Variants in SLC9A9 observed in about 807,000 individuals in gnomAD.
The protein encoded by SLC9A9 is sodium/hydrogen exchanger 9.
In SLC9A9, 62 loss-of-function variants were observed where a neutral mutation model predicts 77.8. That is an observed-to-expected ratio of 0.80 (90% CI 0.65 to 0.98). SLC9A9 has a LOEUF of 0.98. Ranked by LOEUF, SLC9A9 falls within the 50% of genes least tolerant of loss-of-function variation. The pLI is 0.00. For synonymous variants in SLC9A9, 320 were observed against 283.5 expected, an observed-to-expected ratio of 1.13 and a Z score of -1.29; for missense variants, 775 against 774.9, an observed-to-expected ratio of 1.00 and a Z score of 0.00.
intron 6 of SLC9A9, among the ~76,000 whole-genome samples, chr3:143,606,266 A>G (rs1391297967): frequency 6.6e-6 from 1 of 151,678 alleles, no homozygotes; most frequent in Non-Finnish European, 1.5e-5. Flanking sequence ...TTAGCCAGGC[A>G]TGGTGGCAGG....
chr3:143,323,226 G>A (rs1460278884), intron 14 of SLC9A9, among the ~76,000 whole-genome samples: 1 of 152,178 alleles, frequency 6.6e-6, no homozygotes. Context: ...CCACTACTGG[G>A]AATCTACCCA....
At chr3:143,641,651 C>T (rs1560008718) in intron 6 of SLC9A9, among the ~76,000 whole-genome samples, 1 of 152,132 alleles carries the variant, frequency 6.6e-6, no homozygotes, top group Non-Finnish European at 1.5e-5. Context: ...CCTTGGCCTC[C>T]CAAAGTGCTG....
chr3:143,440,447 G>T (rs1304539505), intron 12 of SLC9A9, among the ~76,000 whole-genome samples: 1 of 152,140 alleles, frequency 6.6e-6, no homozygotes, highest in East Asian at 1.9e-4. Flanking sequence ...AAGGAGTTTG[G>T]CCCCTAACTA....
Position 143,844,362 on chromosome 3 carries a change from C to T in SLC9A9, c.175+3786G>A, listed in dbSNP as rs570232404. 3.7e-3 allele frequency among the ~76,000 whole-genome samples: 570 copies of T among 152,152 alleles called. 5 individuals carry two copies. Among genetic ancestry groups the T allele is most frequent in the African/African-American group, 0.013 (546 of 41,510 alleles). ...TTGATAAAATAGACTCAACATCTATCGAGTCTTCTAAAGAACATTTGACAC... is the reference window on the plus strand; with the variant it reads ...TTGATAAAATAGACTCAACATCTATTGAGTCTTCTAAAGAACATTTGACAC... On this transcript the variant is annotated intron_variant, in intron 1 of 15. Coordinates refer to ENST00000316549, the MANE Select transcript of SLC9A9 (RefSeq NM_173653.4).
intron 5 of SLC9A9, among the ~76,000 whole-genome samples, chr3:143,692,002 GA>G (rs1473308624): frequency 1.3e-5 from 2 of 152,084 alleles, no homozygotes; most frequent in East Asian, 3.9e-4. Flanking sequence ...TGATGAAATA[GA>G]AGGGTCCCAG....
At chr3:143,811,272 G>A (rs1451398355) in intron 2 of SLC9A9, among the ~76,000 whole-genome samples, 2 of 152,128 alleles carry the variant, frequency 1.3e-5, no homozygotes, top group Admixed American at 1.3e-4. Context: ...TCACACCTAG[G>A]GACAGCTCAA....
At chr3:143,784,093 A>G (rs1039085510) in intron 4 of SLC9A9, among the ~76,000 whole-genome samples, 3 of 152,208 alleles carry the variant, frequency 2.0e-5, no homozygotes, top group African/African-American at 4.8e-5. Flanking sequence ...TACAGCTAAT[A>G]TGGCCACACC....
chr3:143,668,901 C>T (rs1447738), intron 5 of SLC9A9, among the ~76,000 whole-genome samples: 101,820 of 152,122 alleles, frequency 0.67, 35,638 homozygotes, highest in Non-Finnish European at 0.77. Flanking sequence ...TCTGTAGCAC[C>T]CAGACAAAAG....
intron 12 of SLC9A9, among the ~76,000 whole-genome samples, chr3:143,446,855 T>G (rs2034852302): frequency 6.7e-6 from 1 of 149,248 alleles, no homozygotes; most frequent in Non-Finnish European, 1.5e-5. Context: ...TCAATATGGC[T>G]GAGATATAAG....
intron 2 of SLC9A9, among the ~76,000 whole-genome samples, chr3:143,830,225 AC>A (rs1301975221): frequency 6.6e-6 from 1 of 152,166 alleles, no homozygotes; most frequent in African/African-American, 2.4e-5. Context: ...CCCTTTCTAT[AC>A]CAGCAATGAG....
chr3:143,497,460 C>A (rs907738077), intron 9 of SLC9A9, among the ~76,000 whole-genome samples: 1 of 152,082 alleles, frequency 6.6e-6, no homozygotes, highest in Non-Finnish European at 1.5e-5. Flanking sequence ...CATGTTTGGG[C>A]CCAAGAAAAT....
At chr3:143,430,149 C>T (rs1041559629) in intron 12 of SLC9A9, among the ~76,000 whole-genome samples, 4 of 152,140 alleles carry the variant, frequency 2.6e-5, no homozygotes, top group African/African-American at 9.7e-5. Context: ...TCATCAGAAC[C>T]TTTTGGAGAA....
intron 6 of SLC9A9, among the ~76,000 whole-genome samples, chr3:143,622,400 G>A (rs1229858621): frequency 1.3e-5 from 2 of 152,240 alleles, no homozygotes; most frequent in Non-Finnish European, 2.9e-5. Flanking sequence ...AAGCCCATCA[G>A]ACTAACAGCT....
intron 14 of SLC9A9, among the ~76,000 whole-genome samples, chr3:143,308,500 C>T (rs371813923): frequency 6.6e-6 from 1 of 151,762 alleles, no homozygotes; most frequent in Admixed American, 6.6e-5. Flanking sequence ...GGCATGAACC[C>T]AGGAGGTGGA....
intron 9 of SLC9A9, among the ~76,000 whole-genome samples, chr3:143,535,452 ACTTT>A (rs1018653715): frequency 7.2e-5 from 11 of 152,296 alleles, no homozygotes; most frequent in African/African-American, 1.9e-4. Flanking sequence ...CAGTAAATTT[ACTTT>A]CTTTATTTTT....
At chr3:143,829,270 C>T (rs574798861) in intron 2 of SLC9A9, among the ~76,000 whole-genome samples, 15 of 152,194 alleles carry the variant, frequency 9.9e-5, no homozygotes, top group Non-Finnish European at 2.1e-4. Flanking sequence ...TTCTTTTATC[C>T]GGGCTTAAAA....
intron 14 of SLC9A9, among the ~76,000 whole-genome samples, chr3:143,316,949 G>A (rs1413788149): frequency 2.6e-5 from 4 of 152,066 alleles, no homozygotes; most frequent in East Asian, 1.9e-4. Flanking sequence ...ACTATGTGGT[G>A]GGTGCAGGAG....
intron 12 of SLC9A9, among the ~76,000 whole-genome samples, chr3:143,400,305 C>A (rs1369822110): frequency 2.6e-5 from 4 of 152,082 alleles, no homozygotes; most frequent in Admixed American, 6.6e-5. Flanking sequence ...ACAAAATATT[C>A]TTTTTATGCT....
chr3:143,380,433 G>A, intron 13 of SLC9A9, among the ~76,000 whole-genome samples: 1 of 144,728 alleles, frequency 6.9e-6, no homozygotes, highest in East Asian at 2.0e-4. Flanking sequence ...TAAAGAAAAA[G>A]GTATACAAGA....
Sources: gnomAD v4.1 joint callset for allele counts (sites outside exome capture counted in the v4.1 genomes callset) on GRCh38, gnomAD v4.1.1 for gene constraint, MANE v1.5 for transcripts, NCBI Gene and HGNC (gene_info 2026-07-23, HGNC 2026-07-21) for gene names.